FOXP2: variants seen among roughly 807,000 people sequenced by gnomAD.
FOXP2 encodes the protein forkhead box protein P2.
In FOXP2, 12 loss-of-function variants were observed where a neutral mutation model predicts 115.8. The ratio of observed to expected loss-of-function variants is 0.10; its 90% CI spans 0.07 to 0.17. FOXP2 has a LOEUF of 0.17. Among genes scored for constraint, FOXP2 ranks in the 10% least tolerant of loss-of-function variants. The pLI, the probability that FOXP2 is intolerant of heterozygous loss-of-function variation, is 1.00. For synonymous variants in FOXP2, 328 were observed against 297.7 expected, an observed-to-expected ratio of 1.10 and a Z score of -1.05; for missense variants, 629 against 843.5, an observed-to-expected ratio of 0.75 and a Z score of 3.15.
intron 1 of FOXP2, among the ~76,000 whole-genome samples, chr7:114,106,358 C>CT (rs199504822): frequency 0.23 from 32,956 of 141,704 alleles, 5,468 homozygotes; most frequent in East Asian, 0.48. Context: ...CTGTCCCCTC[C>CT]TTTTTTTTTT....
chr7:114,674,303 T>C (rs1807647707), intron 16 of FOXP2, among the ~76,000 whole-genome samples: 1 of 152,228 alleles, frequency 6.6e-6, no homozygotes, highest in African/African-American at 2.4e-5. Context: ...TAGGGCATTT[T>C]CTACTTATAT....
chr7:114,617,240 TGTC>T (rs1437275984), intron 3 of FOXP2, among the ~76,000 whole-genome samples: 1 of 152,234 alleles, frequency 6.6e-6, no homozygotes, highest in African/African-American at 2.4e-5. Context: ...TAAATGAGAC[TGTC>T]GTCTTTTCAG....
intron 2 of FOXP2, among the ~76,000 whole-genome samples, chr7:114,317,648 A>T (rs1584631706): frequency 6.6e-6 from 1 of 152,008 alleles, no homozygotes; most frequent in African/African-American, 2.4e-5. Context: ...ACAGCAGTTA[A>T]AGAGATTCTT....
intron 3 of FOXP2, among the ~76,000 whole-genome samples, chr7:114,597,934 T>C (rs769955273): frequency 6.6e-6 from 1 of 152,196 alleles, no homozygotes; most frequent in African/African-American, 2.4e-5. Context: ...TGAAAGTTTC[T>C]ATCTCAGATA....
At chr7:114,260,374 C>A (rs1291139264) in intron 1 of FOXP2, among the ~76,000 whole-genome samples, 1 of 151,922 alleles carries the variant, frequency 6.6e-6, no homozygotes, top group Non-Finnish European at 1.5e-5. Context: ...GTAAAGTATG[C>A]CAACTGAAAA....
At chr7:114,645,245 G>A in intron 8 of FOXP2, 1 of 138,540 alleles carries the variant, frequency 7.2e-6, no homozygotes. Context: ...TAAAATAGTA[G>A]TATTTAGTAT....
At chr7:114,651,170 A>G (rs769438168) in intron 8 of FOXP2, among the ~76,000 whole-genome samples, 13 of 152,130 alleles carry the variant, frequency 8.5e-5, no homozygotes, top group Middle Eastern at 3.4e-3. Context: ...TATCATTCTA[A>G]ATGATACTTG....
intron 16 of FOXP2, among the ~76,000 whole-genome samples, chr7:114,671,165 C>A (rs1037534682): frequency 6.6e-5 from 10 of 151,998 alleles, no homozygotes; most frequent in Admixed American, 6.6e-4. Context: ...TTGTACGGAA[C>A]TTATGATTAT....
intron 1 of FOXP2, among the ~76,000 whole-genome samples, chr7:114,261,691 T>G (rs1415964387): frequency 6.6e-6 from 1 of 152,154 alleles, no homozygotes; most frequent in Non-Finnish European, 1.5e-5. Context: ...ATTATATATG[T>G]GAGGTGATTA....
chr7:114,324,633 T>C (rs1562871182), intron 2 of FOXP2, among the ~76,000 whole-genome samples: 1 of 151,918 alleles, frequency 6.6e-6, no homozygotes, highest in Non-Finnish European at 1.5e-5. Flanking sequence ...TTCCTAATAA[T>C]TGGCGACTGT....
chr7:114,613,449 G>A (rs1803740539), intron 3 of FOXP2, among the ~76,000 whole-genome samples: 1 of 152,096 alleles, frequency 6.6e-6, no homozygotes, highest in African/African-American at 2.4e-5. Flanking sequence ...GCCAAGGCAG[G>A]CGGATCATGA....
At chr7:114,154,900 G>A (rs1792622719) in intron 1 of FOXP2, among the ~76,000 whole-genome samples, 1 of 152,074 alleles carries the variant, frequency 6.6e-6, no homozygotes, top group Non-Finnish European at 1.5e-5. Flanking sequence ...TGTGGGGGTT[G>A]AACCAGAGTC....
intron 3 of FOXP2, among the ~76,000 whole-genome samples, chr7:114,573,980 G>A (rs1563008480): frequency 1.3e-5 from 2 of 151,552 alleles, no homozygotes; most frequent in African/African-American, 2.4e-5. Flanking sequence ...TTTTCATAGG[G>A]TTTTTTCTGG....
chr7:114,151,617 T>C (rs1792531002), intron 1 of FOXP2, among the ~76,000 whole-genome samples: 1 of 152,126 alleles, frequency 6.6e-6, no homozygotes, highest in African/African-American at 2.4e-5. Context: ...TTATTTATAA[T>C]TCAGACATTA....
chr7:114,684,272 T>C (rs1212938615), intron 16 of FOXP2, among the ~76,000 whole-genome samples: 1 of 152,192 alleles, frequency 6.6e-6, no homozygotes, highest in African/African-American at 2.4e-5. Flanking sequence ...ATGAACCAGA[T>C]GCATATGATA....
At chr7:114,239,967 A>G (rs181304524) in intron 1 of FOXP2, among the ~76,000 whole-genome samples, 9 of 152,304 alleles carry the variant, frequency 5.9e-5, no homozygotes, top group South Asian at 2.1e-4. Flanking sequence ...TGCCTGTTTT[A>G]TCAAATATGG....
intron 1 of FOXP2, among the ~76,000 whole-genome samples, chr7:114,262,779 G>A (rs1442980698): frequency 6.6e-6 from 1 of 152,202 alleles, no homozygotes; most frequent in Admixed American, 6.5e-5. Flanking sequence ...TTGCATTCCA[G>A]TTGGAATATT....
intron 1 of FOXP2, among the ~76,000 whole-genome samples, chr7:114,219,677 T>G (rs370190310): frequency 6.6e-6 from 1 of 152,190 alleles, no homozygotes; most frequent in East Asian, 1.9e-4. Context: ...TTAGTGAATA[T>G]GATCCCTTTT....
intron 3 of FOXP2, among the ~76,000 whole-genome samples, chr7:114,602,436 T>G (rs1457506274): frequency 1.3e-5 from 2 of 152,114 alleles, no homozygotes; most frequent in Admixed American, 1.3e-4. Context: ...TATATAGCTA[T>G]AAGTATCTTT....
Sources: gnomAD v4.1 joint callset for allele counts (sites outside exome capture counted in the v4.1 genomes callset) on GRCh38, gnomAD v4.1.1 for gene constraint, MANE v1.5 for transcripts, NCBI Gene and HGNC (gene_info 2026-07-23, HGNC 2026-07-21) for gene names.